Variants in TEK observed in about 807,000 individuals in gnomAD.
TEK encodes the protein TEK receptor tyrosine kinase.
Under a neutral mutation model 131.8 loss-of-function variants are expected in TEK, and 43 were observed. The observed-to-expected ratio is 0.33, with a 90% CI of 0.26 to 0.42. The LOEUF (loss-of-function observed/expected upper bound fraction) is 0.42. Among genes scored for constraint, TEK ranks in the 10% least tolerant of loss-of-function variants. The probability of loss-of-function intolerance (pLI) is 1.00; values close to 1 mark genes in which losing one functional copy is unlikely to be tolerated. For synonymous variants in TEK, 580 were observed against 491.6 expected (o/e 1.18, Z -2.38); for missense variants, 1,162 against 1,384.4 (o/e 0.84, Z 2.55).
intron 22 of TEK, among the ~76,000 whole-genome samples, 186 bp from the exon 23 acceptor site, chr9:27,228,972 C>T (rs1826450922): frequency 1.3e-5 from 2 of 152,110 alleles, no homozygotes; most frequent in Admixed American, 6.5e-5. Flanking sequence ...TTGCAGAACG[C>T]AAGGGGATGC....
At chr9:27,219,607 G>GAACTT (rs1440808865) in intron 20 of TEK, among the ~76,000 whole-genome samples, 1 of 110,392 alleles carries the variant, frequency 9.1e-6, no homozygotes, top group Non-Finnish European at 2.0e-5. Context: ...ATGTATCTCA[G>GAACTT]AACTTAAAAT....
intron 1 of TEK, among the ~76,000 whole-genome samples, chr9:27,145,429 G>A (rs930054203): frequency 2.0e-5 from 3 of 152,144 alleles, no homozygotes; most frequent in Non-Finnish European, 4.4e-5. Flanking sequence ...GCTCCAAGAT[G>A]ACTTTAAAAA....
intron 1 of TEK, among the ~76,000 whole-genome samples, chr9:27,116,893 G>A (rs1353582793): frequency 7.7e-6 from 1 of 130,366 alleles, no homozygotes; most frequent in Non-Finnish European, 1.6e-5. Context: ...TCGGAGTCTC[G>A]CTCAGTCCCC....
chr9:27,175,104 A>C, intron 6 of TEK, among the ~76,000 whole-genome samples: 1 of 145,842 alleles, frequency 6.9e-6, no homozygotes, highest in Admixed American at 6.9e-5. Context: ...GTCATTTAGC[A>C]TTAGGTATAT....
At chr9:27,147,826 A>G (rs1397086574) in intron 1 of TEK, among the ~76,000 whole-genome samples, 2 of 152,212 alleles carry the variant, frequency 1.3e-5, no homozygotes, top group East Asian at 3.8e-4. Flanking sequence ...TTATTTGTTG[A>G]AAACAACTTC....
chr9:27,120,291 A>G (rs1167975203), intron 1 of TEK, among the ~76,000 whole-genome samples: 4 of 152,214 alleles, frequency 2.6e-5, no homozygotes, highest in African/African-American at 7.2e-5. Context: ...GCCTTTGTGT[A>G]TGCTGGTTTC....
intron 1 of TEK, among the ~76,000 whole-genome samples, chr9:27,155,182 C>T (rs1823285026): frequency 6.6e-6 from 1 of 152,120 alleles, no homozygotes; most frequent in Non-Finnish European, 1.5e-5. Context: ...GTGGTGTTCA[C>T]TCAGAGTCAG....
chr9:27,151,724 A>G (rs938915206), intron 1 of TEK, among the ~76,000 whole-genome samples: 4 of 152,164 alleles, frequency 2.6e-5, no homozygotes, highest in Non-Finnish European at 5.9e-5. Context: ...AGACGGTTGT[A>G]TATTCACTGC....
At chr9:27,111,794 A>C (rs1821358089) in intron 1 of TEK, among the ~76,000 whole-genome samples, 1 of 152,218 alleles carries the variant, frequency 6.6e-6, no homozygotes, top group Admixed American at 6.5e-5. Context: ...AAAACTAACA[A>C]AAAAATCACT....
chr9:27,179,799 G>A (rs1486271341), intron 6 of TEK, among the ~76,000 whole-genome samples: 1 of 152,148 alleles, frequency 6.6e-6, no homozygotes, highest in Non-Finnish European at 1.5e-5. Context: ...TCCTGACTCT[G>A]TCTCTGATGC....
intron 1 of TEK, among the ~76,000 whole-genome samples, chr9:27,113,485 G>A (rs1821427526): frequency 6.6e-6 from 1 of 152,160 alleles, no homozygotes. Flanking sequence ...CTACTCGGGA[G>A]GCTTAGACAG....
intron 3 of TEK, among the ~76,000 whole-genome samples, chr9:27,168,981 C>T (rs1823847028): frequency 6.6e-6 from 1 of 152,176 alleles, no homozygotes; most frequent in African/African-American, 2.4e-5. Context: ...TCTGGCAGTC[C>T]AACTGTGTAA....
At chr9:27,139,950 C>T (rs955357760) in intron 1 of TEK, among the ~76,000 whole-genome samples, 7 of 152,084 alleles carry the variant, frequency 4.6e-5, no homozygotes, top group Admixed American at 2.0e-4. Context: ...CCCTGTCCTG[C>T]CACCTTGGCT....
At chr9:27,145,958 A>G (rs958863370) in intron 1 of TEK, among the ~76,000 whole-genome samples, 1 of 152,246 alleles carries the variant, frequency 6.6e-6, no homozygotes, top group Non-Finnish European at 1.5e-5. Flanking sequence ...AATATCTTCT[A>G]TGGTGCTGCT....
chr9:27,219,130 A>C (rs1825943446), intron 20 of TEK, among the ~76,000 whole-genome samples: 1 of 152,180 alleles, frequency 6.6e-6, no homozygotes, highest in Non-Finnish European at 1.5e-5. Context: ...ACATTTTTGA[A>C]AGCCATTTAA....
intron 1 of TEK, among the ~76,000 whole-genome samples, chr9:27,151,477 T>G (rs1823124922): frequency 6.6e-6 from 1 of 152,174 alleles, no homozygotes; most frequent in Non-Finnish European, 1.5e-5. Context: ...GTTACCATTT[T>G]GGGGAAGATT....
chr9:27,222,492 CCAAA>C (rs1159685596), intron 21 of TEK, among the ~76,000 whole-genome samples: 10 of 152,170 alleles, frequency 6.6e-5, no homozygotes, highest in African/African-American at 2.4e-4. Context: ...CAAAGGGAAG[CCAAA>C]CAGACTAACA....
At chr9:27,111,563 G>C (rs890736057) in intron 1 of TEK, among the ~76,000 whole-genome samples, 1 of 148,836 alleles carries the variant, frequency 6.7e-6, no homozygotes, top group African/African-American at 2.5e-5. Context: ...TTTTTTTAGT[G>C]AAGGTGGCTC....
chr9:27,208,304 A>G (rs537429223), intron 15 of TEK, among the ~76,000 whole-genome samples: 1 of 152,076 alleles, frequency 6.6e-6, no homozygotes, highest in Non-Finnish European at 1.5e-5. Flanking sequence ...AGCCATGTTT[A>G]TGGCCACCAG....
Sources: allele counts gnomAD v4.1 joint callset (sites outside exome capture counted in the v4.1 genomes callset), GRCh38; gene constraint gnomAD v4.1.1; transcripts MANE v1.5; gene names NCBI Gene and HGNC (gene_info 2026-07-23, HGNC 2026-07-21).